Variants in LARGE1 observed in about 807,000 individuals in gnomAD.
LARGE1 encodes the protein LARGE xylosyl- and glucuronyltransferase 1.
LARGE1 carries 43 observed loss-of-function variants against 87.6 expected under a neutral mutation model. The observed-to-expected ratio is 0.49, with a 90% CI of 0.38 to 0.63. The LOEUF is 0.63. Among genes scored for constraint, LARGE1 ranks in the 30% least tolerant of loss-of-function variants. LARGE1 has a pLI of 0.00. For missense variants in LARGE1, 802 were observed against 1,000.2 expected (o/e 0.80, Z 2.67); for synonymous variants, 434 against 394.6 (o/e 1.10, Z -1.18).
chr22:33,687,187 G>A (rs1481348709), intron 2 of LARGE1, among the ~76,000 whole-genome samples: 2 of 149,930 alleles, frequency 1.3e-5, no homozygotes, highest in Admixed American at 6.6e-5. Context: ...TAGAGATGGG[G>A]TTCTGCCACA....
intron 6 of LARGE1, among the ~76,000 whole-genome samples, chr22:33,437,901 T>G (rs2067329383): frequency 6.6e-6 from 1 of 152,000 alleles, no homozygotes; most frequent in Non-Finnish European, 1.5e-5. Flanking sequence ...AGGGAGTAAT[T>G]GATTCTGTGG....
intron 2 of LARGE1, among the ~76,000 whole-genome samples, chr22:33,706,676 C>G (rs537951779): frequency 3.3e-5 from 5 of 152,366 alleles, no homozygotes; most frequent in East Asian, 1.9e-4. Context: ...CAAATCCAGA[C>G]AGAAGATACC....
At chr22:33,862,336 G>C (rs1381579588) in intron 1 of LARGE1, among the ~76,000 whole-genome samples, 1 of 152,204 alleles carries the variant, frequency 6.6e-6, no homozygotes, top group Non-Finnish European at 1.5e-5. Flanking sequence ...GGGAGCCTTC[G>C]ACAGAGGTGT....
intron 11 of LARGE1, among the ~76,000 whole-genome samples, chr22:33,181,374 G>A (rs1265837978): frequency 2.0e-5 from 3 of 152,046 alleles, no homozygotes; most frequent in Admixed American, 2.0e-4. Context: ...CAGATCAATT[G>A]ATGAGCATAA....
chr22:33,902,960 T>G lies in LARGE1; in HGVS notation c.-83+17035A>C, dbSNP rs537122810. Among the ~76,000 whole-genome samples, 9 of 152,152 alleles carry G rather than the reference T, an allele frequency of 5.9e-5. No individual in the cohort carries two copies. The East Asian group carries it at 1.4e-3, about 23-fold the overall frequency. Reference sequence around the variant, plus strand: ...CAGCCTGGCTAACATGGCGAAAGCTTGTCTCTACTAAAAATACAAAAATTA... The same window carrying G: ...CAGCCTGGCTAACATGGCGAAAGCTGGTCTCTACTAAAAATACAAAAATTA... On this transcript the variant is annotated intron_variant, in intron 1 of 14. Transcript: ENST00000397394.
the LARGE1 span, among the ~76,000 whole-genome samples, chr22:33,132,621 G>A: frequency 6.6e-6 from 1 of 151,254 alleles, no homozygotes; most frequent in African/African-American, 2.4e-5. Flanking sequence ...AACTCCTCAT[G>A]TATGATAGAA....
At chr22:33,366,962 C>T (rs529153796) in intron 9 of LARGE1, among the ~76,000 whole-genome samples, 14 of 152,124 alleles carry the variant, frequency 9.2e-5, no homozygotes, top group African/African-American at 3.1e-4. Flanking sequence ...TTCTACTTGC[C>T]GTCTAGGGGT....
intron 11 of LARGE1, among the ~76,000 whole-genome samples, chr22:33,256,265 T>C (rs1160700020): frequency 6.6e-6 from 1 of 152,248 alleles, no homozygotes; most frequent in East Asian, 1.9e-4. Context: ...CTATGGGGAA[T>C]GTCTGTGTTA....
At chr22:33,835,595 C>CA (rs2063088523) in intron 1 of LARGE1, among the ~76,000 whole-genome samples, 3 of 152,210 alleles carry the variant, frequency 2.0e-5, no homozygotes, top group Non-Finnish European at 4.4e-5. Context: ...CTCACTTATT[C>CA]ATGCTAAAGA....
At chr22:33,877,804 C>A (rs2064514739) in intron 1 of LARGE1, among the ~76,000 whole-genome samples, 1 of 151,892 alleles carries the variant, frequency 6.6e-6, no homozygotes, top group Non-Finnish European at 1.5e-5. Context: ...CACCTCTAGT[C>A]TCAGCTACTC....
intron 12 of LARGE1, among the ~76,000 whole-genome samples, chr22:33,290,610 G>C (rs1244151681): frequency 1.3e-5 from 2 of 152,184 alleles, no homozygotes; most frequent in Non-Finnish European, 2.9e-5. Context: ...AGGTGGCTGA[G>C]AAGTCAAATG....
rs140617687 is a variant in LARGE1, at chr22:33,185,828, A to T, written c.1731-18996T>A. Among the ~76,000 whole-genome samples the T allele has an allele frequency of 2.0e-5, 3 of 152,310 alleles. No individual in the cohort carries two copies. The East Asian group carries it at 5.8e-4, about 29-fold the overall frequency. On this transcript the variant is annotated intron_variant, in intron 11 of 11. Transcript: ENST00000608642. ...ATAAGAAAATAAGACAGAAAACACA[A>T]TTAACAATGTTAAGAACAAAAGAAG...
rs1441822728 is a variant in LARGE1 at position 33,606,423 on chromosome 22, A to AAAATT, written c.492-1866_492-1865insAATTT. The stretch of plus-strand genomic sequence containing the variant: ...CCATCACAAAATAAATAAATAAAAT[A>AAAATT]AAATGAAATAAAATAAAATAAAATA... On this transcript the variant is annotated intron_variant, in intron 4 of 14. Transcript: ENST00000397394. Among the ~76,000 whole-genome samples the AAAATT allele has an allele frequency of 4.1e-5, 4 of 96,490 alleles. No homozygotes were observed. In the East Asian group the frequency reaches 1.2e-3, roughly 30 times the overall value. 63.3% of individuals were successfully genotyped at this position (96,490 alleles called of 152,430 possible). A position where few individuals can be genotyped will look rare whatever the true frequency, so the allele number is the denominator to read the frequency against.
chr22:33,100,349 CA>C, the LARGE1 span, among the ~76,000 whole-genome samples: 6,347 of 65,216 alleles, frequency 0.097, 82 homozygotes, highest in Admixed American at 0.18. Flanking sequence ...GACTCCATCT[CA>C]AAAAAAAAAA....
chr22:33,474,758 G>A (rs1602014120), intron 6 of LARGE1, among the ~76,000 whole-genome samples: 2 of 152,286 alleles, frequency 1.3e-5, no homozygotes, highest in Admixed American at 1.3e-4. Context: ...ACCAACCACA[G>A]CTTACAGGAA....
At chr22:33,756,255 A>G (rs940909453) in intron 2 of LARGE1, among the ~76,000 whole-genome samples, 2 of 152,202 alleles carry the variant, frequency 1.3e-5, no homozygotes, top group African/African-American at 2.4e-5. Flanking sequence ...CATTCATTGA[A>G]CAAACATTTG....
the LARGE1 span, among the ~76,000 whole-genome samples, chr22:33,112,029 GA>G: frequency 5.3e-5 from 8 of 152,216 alleles, no homozygotes; most frequent in Non-Finnish European, 8.8e-5. Flanking sequence ...GCCATATAAG[GA>G]CTTAGCACAT....
chr22:33,739,460 G>T (rs571044113), intron 2 of LARGE1, among the ~76,000 whole-genome samples: 65 of 152,326 alleles, frequency 4.3e-4, no homozygotes, highest in Non-Finnish European at 2.4e-4. Flanking sequence ...CTGCGGTACT[G>T]TCCTGGTCTA....
At chr22:33,110,857 T>C in the LARGE1 span, among the ~76,000 whole-genome samples, 2 of 152,192 alleles carry the variant, frequency 1.3e-5, no homozygotes, top group South Asian at 2.1e-4. Context: ...GTTTGAGTCA[T>C]TGCTTTTCTG....
Sources: allele counts gnomAD v4.1 joint callset (sites outside exome capture counted in the v4.1 genomes callset), GRCh38; gene constraint gnomAD v4.1.1; transcripts MANE v1.5; gene names NCBI Gene and HGNC (gene_info 2026-07-23, HGNC 2026-07-21).